LYZL4: variants seen among roughly 807,000 people sequenced by gnomAD.
The protein encoded by LYZL4 is lysozyme like 4.
Under a neutral mutation model 17.6 loss-of-function variants are expected in LYZL4, and 13 were observed. The ratio of observed to expected loss-of-function variants is 0.74; its 90% CI spans 0.48 to 1.18. LYZL4 has a LOEUF of 1.18. Among genes scored for constraint, LYZL4 ranks in the 50% most tolerant of loss-of-function variants. The pLI, the probability that LYZL4 is intolerant of heterozygous loss-of-function variation, is 0.00. For missense variants in LYZL4, 174 were observed against 188.2 expected, an observed-to-expected ratio of 0.92 and a Z score of 0.44; for synonymous variants, 64 against 67.7, an observed-to-expected ratio of 0.95 and a Z score of 0.27.
chr3:42,394,516 A>T (rs1698526009), downstream of LYZL4, among the ~76,000 whole-genome samples: 1 of 152,204 alleles, frequency 6.6e-6, no homozygotes. Flanking sequence ...GCTTGGAAAT[A>T]TCGTGTAAAG....
At chr3:42,406,431 G>A (rs946296463) in intron 3 of LYZL4, among the ~76,000 whole-genome samples, 11 of 140,336 alleles carry the variant, frequency 7.8e-5, no homozygotes, top group Admixed American at 3.0e-4. Flanking sequence ...TCCAGCCTGG[G>A]CGACTCAGTG....
At chr3:42,373,167 C>T in the LYZL4 span, among the ~76,000 whole-genome samples, 1 of 152,122 alleles carries the variant, frequency 6.6e-6, no homozygotes, top group Non-Finnish European at 1.5e-5. Context: ...GCTGAGATTG[C>T]ACCACTGCAC....
At position 42,406,835 on chromosome 3, in the gene LYZL4, G is replaced by A. The variant is rs766120210; in HGVS notation, c.292+11C>T. The A allele has an allele frequency of 1.2e-6, 2 of 1,613,630 alleles. No homozygotes were observed. Among genetic ancestry groups the A allele is most frequent in the South Asian group, 1.1e-5 (1 of 91,088 alleles). ...CCAGTGCCCCCGCACGGAATGGAAA[G>A]AGGGACTTACCGGAACATGACATAT... On this transcript the variant is annotated intron_variant, in intron 3 of 4. Transcript: ENST00000287748.
the LYZL4 span, among the ~76,000 whole-genome samples, chr3:42,384,048 T>C: frequency 1.3e-5 from 2 of 152,204 alleles, no homozygotes; most frequent in African/African-American, 4.8e-5. Context: ...CATTGAGGCA[T>C]GTCACTGTGA....
chr3:42,369,694 G>A, the LYZL4 span, among the ~76,000 whole-genome samples: 1 of 152,160 alleles, frequency 6.6e-6, no homozygotes, highest in Non-Finnish European at 1.5e-5. Flanking sequence ...CCCATCCGGA[G>A]GGGCAATGGC....
chr3:42,406,806 G>A (rs1430119919), intron 3 of LYZL4, 40 bp downstream of exon 3: 44 of 1,609,418 alleles, frequency 2.7e-5, no homozygotes, highest in Non-Finnish European at 3.6e-5. Flanking sequence ...CAGCACCATA[G>A]CCTCCAGTGC....
At chr3:42,386,023 T>C in the LYZL4 span, among the ~76,000 whole-genome samples, 4 of 152,144 alleles carry the variant, frequency 2.6e-5, no homozygotes, top group African/African-American at 9.7e-5. Flanking sequence ...CTTTGCCTTT[T>C]CCAGCTTCAA....
At chr3:42,368,343 G>A in the LYZL4 span, among the ~76,000 whole-genome samples, 2 of 152,218 alleles carry the variant, frequency 1.3e-5, no homozygotes, top group African/African-American at 4.8e-5. Context: ...GGGCGAGGAT[G>A]TCGAGGGGTG....
In LYZL4 at chr3:42,404,085, G is replaced by A. The variant is rs781358492; in HGVS notation, c.332C>T (p.Ala111Val). ...NPNLEKTIKCAKTIVKGKEGM... is the reference protein window; with the variant it reads ...NPNLEKTIKCVKTIVKGKEGM... ...TTCTTTTCCTTTTACAATGGTCTTG[G>A]CACATTTAATTGTCTTCTCTAAATT... Residue 111 changes from alanine to valine, a missense_variant, in exon 4 of 5, where the codon GCC becomes GTC. Transcript: ENST00000287748. 4.3e-6 allele frequency: 7 copies of A among 1,612,660 alleles called. No individual in the cohort carries two copies. The highest frequency in any genetic ancestry group is 5.9e-6 in the Non-Finnish European group (7 of 1,178,888).
chr3:42,376,447 G>T, the LYZL4 span, among the ~76,000 whole-genome samples: 2 of 152,226 alleles, frequency 1.3e-5, no homozygotes, highest in African/African-American at 4.8e-5. Context: ...TGCCTCCAGG[G>T]AGAACATGTG....
rs148848075 is a variant in LYZL4 at position 42,404,904 on chromosome 3, C to T, written c.293-780G>A. ...CTTACACTTTTAATGTGTATGTCTC[C>T]CCAACTAGACTGTGATTGTTGTAAT... is the stretch of plus-strand genomic sequence containing the variant. On this transcript the variant is annotated intron_variant, in intron 3 of 4. Transcript: ENST00000287748. 5.7e-3 allele frequency among the ~76,000 whole-genome samples: 875 copies of T among 152,214 alleles called. 22 individuals carry two copies. Among genetic ancestry groups the T allele is most frequent in the East Asian group, 0.054 (282 of 5,176 alleles).
chr3:42,404,849 T>A (rs1465334737), intron 3 of LYZL4, among the ~76,000 whole-genome samples: 1 of 152,224 alleles, frequency 6.6e-6, no homozygotes, highest in African/African-American at 2.4e-5. Context: ...TTAAATTAAA[T>A]CAATTTAATT....
chr3:42,378,866 T>A, the LYZL4 span, among the ~76,000 whole-genome samples: 230 of 152,332 alleles, frequency 1.5e-3, 1 homozygote, highest in Non-Finnish European at 2.9e-3. Context: ...TTTCTATTTC[T>A]CTTTTTATTT....
chr3:42,379,285 C>T, the LYZL4 span, among the ~76,000 whole-genome samples: 1 of 152,160 alleles, frequency 6.6e-6, no homozygotes, highest in Non-Finnish European at 1.5e-5. Flanking sequence ...CCCCTGTGGG[C>T]AGCTCGGACA....
At chr3:42,401,869 T>C (rs1698659600) in intron 4 of LYZL4, among the ~76,000 whole-genome samples, 1 of 152,070 alleles carries the variant, frequency 6.6e-6, no homozygotes, top group African/African-American at 2.4e-5. Flanking sequence ...AGACTAGAAA[T>C]GAGACAAGGC....
downstream of LYZL4, among the ~76,000 whole-genome samples, chr3:42,393,225 C>A (rs554302419): frequency 7.2e-5 from 11 of 152,264 alleles, 1 homozygote; most frequent in South Asian, 2.3e-3. Context: ...AACTTAGGGA[C>A]AATCGTGGAA....
chr3:42,384,366 G>C, the LYZL4 span, among the ~76,000 whole-genome samples: 1 of 152,186 alleles, frequency 6.6e-6, no homozygotes, highest in East Asian at 1.9e-4. Context: ...GAAGGGATAG[G>C]CTCTGGAAAA....
At chr3:42,361,537 G>A in the LYZL4 span, among the ~76,000 whole-genome samples, 1 of 151,778 alleles carries the variant, frequency 6.6e-6, no homozygotes, top group African/African-American at 2.4e-5. Context: ...ACTTAGCCTG[G>A]GCAACATGGT....
chr3:42,367,997 C>T, the LYZL4 span, among the ~76,000 whole-genome samples: 4 of 152,184 alleles, frequency 2.6e-5, no homozygotes, highest in African/African-American at 9.7e-5. Context: ...TCCTAAGAGG[C>T]AGGTACTCTT....
Sources: gnomAD v4.1 joint callset for allele counts (sites outside exome capture counted in the v4.1 genomes callset) on GRCh38, gnomAD v4.1.1 for gene constraint, MANE v1.5 for transcripts, NCBI Gene and HGNC (gene_info 2026-07-23, HGNC 2026-07-21) for gene names.